The following ACAT1 variants were observed in gnomAD, a reference collection of about 807,000 sequenced individuals.
ACAT1 encodes the protein acetyl-CoA acetyltransferase 1.
A neutral mutation model predicts 47.3 loss-of-function variants in ACAT1; 28 were observed. The observed-to-expected ratio is 0.59, with a 90% CI of 0.44 to 0.81. The LOEUF (loss-of-function observed/expected upper bound fraction) is 0.81, where lower values mean the gene tolerates loss of function less well. Ranked by LOEUF, ACAT1 falls within the 30% of genes least tolerant of loss-of-function variation. ACAT1 has a pLI of 0.00. For synonymous variants in ACAT1, 181 were observed against 173.6 expected (o/e 1.04, Z -0.34); for missense variants, 469 against 524.3 (o/e 0.89, Z 1.03).
intron 1 of ACAT1, 84 bp downstream of exon 1, chr11:108,121,762 G>A: frequency 2.0e-6 from 3 of 1,471,206 alleles, no homozygotes; most frequent in Non-Finnish European, 2.8e-6. Flanking sequence ...CGGCCGTTGC[G>A]GCTCCCGCGG....
intron 1 of ACAT1, among the ~76,000 whole-genome samples, chr11:108,129,996 A>T (rs2077327141): frequency 1.3e-5 from 2 of 152,154 alleles, no homozygotes; most frequent in Admixed American, 1.3e-4. Context: ...AAGCTAGAAA[A>T]TCACTAACCA....
upstream of ACAT1, among the ~76,000 whole-genome samples, chr11:108,120,783 G>C (rs958117226): frequency 2.6e-5 from 4 of 152,118 alleles, no homozygotes; most frequent in Non-Finnish European, 5.9e-5. Context: ...TCACGGCTGG[G>C]TGTGATGGCT....
At chr11:108,141,815 A>T in intron 8 of ACAT1, 115 bp downstream of exon 8, 1 of 728,438 alleles carries the variant, frequency 1.4e-6, no homozygotes, top group Non-Finnish European at 2.4e-6. Flanking sequence ...GTTATTTAAC[A>T]TTTTCAGTAT....
At chr11:108,134,378 C>T (rs1244154991) in intron 4 of ACAT1, 62 bp downstream of exon 4, 3 of 1,339,054 alleles carry the variant, frequency 2.2e-6, no homozygotes, top group Non-Finnish European at 3.2e-6. Context: ...GGTGCGGTGG[C>T]TCATGCCTGT....
intron 2 of ACAT1, among the ~76,000 whole-genome samples, chr11:108,133,427 A>G (rs535919971): frequency 3.9e-5 from 6 of 152,156 alleles, no homozygotes; most frequent in East Asian, 1.9e-4. Context: ...TTGAGCTGCA[A>G]TGAGCTATGA....
chr11:108,124,318 C>T (rs377664348), intron 1 of ACAT1, among the ~76,000 whole-genome samples: 5 of 152,288 alleles, frequency 3.3e-5, no homozygotes, highest in South Asian at 4.1e-4. Flanking sequence ...GGCTGGAGTG[C>T]AGTGGCACGA....
At chr11:108,141,762 G>GAATT (rs1415844776) in intron 8 of ACAT1, 62 bp downstream of exon 8, 1 of 1,117,342 alleles carries the variant, frequency 8.9e-7, no homozygotes, top group African/African-American at 1.8e-5. Flanking sequence ...CTAGTTCTTA[G>GAATT]AATTGCCTAA....
intron 1 of ACAT1, among the ~76,000 whole-genome samples, chr11:108,126,060 C>T (rs1251553980): frequency 6.6e-6 from 1 of 152,112 alleles, no homozygotes; most frequent in South Asian, 2.1e-4. Context: ...TAGAGGGCAG[C>T]GGCGCGATCT....
chr11:108,130,651 A>G (rs1436088866), intron 1 of ACAT1, among the ~76,000 whole-genome samples: 1 of 152,150 alleles, frequency 6.6e-6, no homozygotes, highest in African/African-American at 2.4e-5. Context: ...CTCGGCCTCC[A>G]AAGTGCTGGG....
At chr11:108,121,068 G>A (rs2077139638), upstream of ACAT1, among the ~76,000 whole-genome samples, 1 of 152,130 alleles carries the variant, frequency 6.6e-6, no homozygotes, top group African/African-American at 2.4e-5. Context: ...GGTTGTGGAG[G>A]CTTTCGCCTG....
At chr11:108,119,037 T>C (rs1015351013), upstream of ACAT1, among the ~76,000 whole-genome samples, 1 of 152,214 alleles carries the variant, frequency 6.6e-6, no homozygotes, top group Non-Finnish European at 1.5e-5. Context: ...TAGATTCCAA[T>C]TGCAACTGTG....
At chr11:108,128,406 C>G (rs1397634254) in intron 1 of ACAT1, among the ~76,000 whole-genome samples, 1 of 152,150 alleles carries the variant, frequency 6.6e-6, no homozygotes, top group East Asian at 1.9e-4. Context: ...GCCTGGCCAA[C>G]GTGGTGAAAC....
At chr11:108,121,877 G>A (rs1023543293) in intron 1 of ACAT1, 199 bp downstream of exon 1, 2 of 609,582 alleles carry the variant, frequency 3.3e-6, no homozygotes, top group Admixed American at 5.8e-5. Context: ...TTTTTACAGC[G>A]CGTTTCTACT....
chr11:108,141,536 T>C (rs2077586212), intron 7 of ACAT1, 69 bp from the exon 8 acceptor site: 2 of 1,194,130 alleles, frequency 1.7e-6, no homozygotes, highest in Non-Finnish European at 2.4e-6. Context: ...ACTAGGCATC[T>C]TGTACAACAG....
At chr11:108,125,336 G>GTTCA (rs2077228044) in intron 1 of ACAT1, among the ~76,000 whole-genome samples, 11 of 152,104 alleles carry the variant, frequency 7.2e-5, no homozygotes, top group African/African-American at 2.4e-5. Context: ...ACACTATATG[G>GTTCA]TTCAGTGTCC....
chr11:108,135,980 C>G (rs1393037035), intron 5 of ACAT1: 1 of 481,166 alleles, frequency 2.1e-6, no homozygotes, highest in Non-Finnish European at 3.7e-6. Context: ...TTGCTTGAGC[C>G]CAGGCTTGAT....
At chr11:108,129,642 A>C (rs1023067373) in intron 1 of ACAT1, among the ~76,000 whole-genome samples, 1 of 152,048 alleles carries the variant, frequency 6.6e-6, no homozygotes, top group Non-Finnish European at 1.5e-5. Context: ...GCTGGGATTA[A>C]AGGCATGAGC....
At chr11:108,143,879 G>A in intron 9 of ACAT1, 104 bp from the exon 10 acceptor site, 2 of 1,309,848 alleles carry the variant, frequency 1.5e-6, no homozygotes, top group Non-Finnish European at 2.1e-6. Flanking sequence ...TATATTAAAG[G>A]GGCTAGGAAA....
intron 9 of ACAT1, 45 bp downstream of exon 9, chr11:108,142,595 C>T (rs373637717): frequency 3.5e-5 from 53 of 1,501,948 alleles, no homozygotes; most frequent in African/African-American, 2.5e-4. Flanking sequence ...CCAGCACTTT[C>T]GGAGGTTGAG....
Sources: allele counts gnomAD v4.1 joint callset (sites outside exome capture counted in the v4.1 genomes callset), GRCh38; gene constraint gnomAD v4.1.1; transcripts MANE v1.5; gene names NCBI Gene and HGNC (gene_info 2026-07-23, HGNC 2026-07-21).